The following IRX6 variants were observed in gnomAD, a reference collection of about 807,000 sequenced individuals.
IRX6 encodes iroquois-class homeodomain protein IRX-6.
IRX6 carries 46 observed loss-of-function variants against 47.7 expected under a neutral mutation model. The observed-to-expected ratio is 0.96, with a 90% CI of 0.76 to 1.23. The LOEUF (loss-of-function observed/expected upper bound fraction) is 1.23, where lower values mean the gene tolerates loss of function less well. Ranked by LOEUF, IRX6 falls within the 50% of genes most tolerant of loss-of-function variation. The probability of loss-of-function intolerance (pLI) is 0.00; values close to 1 mark genes in which losing one functional copy is unlikely to be tolerated. For missense variants in IRX6, 722 were observed against 588.0 expected, an observed-to-expected ratio of 1.23 and a Z score of -2.36; for synonymous variants, 265 against 246.2, an observed-to-expected ratio of 1.08 and a Z score of -0.72.
At position 55,324,934 on chromosome 16, in the gene IRX6, C is replaced by G; in HGVS notation, c.-158C>G. 1 of 728,478 alleles carries G rather than the reference C, an allele frequency of 1.4e-6. No individual in the cohort carries two copies. Among genetic ancestry groups the G allele is most frequent in the Non-Finnish European group, 2.3e-6 (1 of 433,866 alleles). 45.1% of individuals were successfully genotyped at this position (728,478 alleles called of 1,614,324 possible). A position where few individuals can be genotyped will look rare whatever the true frequency, so the allele number is the denominator to read the frequency against. ...CAGGGCTCGGCAGCCGGGCTGCCCT[C>G]GGCTCTGCCTCCACTGGGGCCAACC... On this transcript the variant is annotated 5_prime_UTR_variant, in exon 1 of 6. Transcript: ENST00000290552. This position sits in a 1 kb window ranked among gnomAD's most constrained non-coding sequence, Gnocchi z 4.4.
intron 4 of IRX6, among the ~76,000 whole-genome samples, 170 bp from the exon 5 acceptor site, chr16:55,328,530 T>C (rs31084): frequency 0.38 from 58,349 of 151,902 alleles, 11,445 homozygotes; most frequent in East Asian, 0.47. Flanking sequence ...CAAGGACAGG[T>C]GGCCAACAAC....
chr16:55,330,428 G>A lies in IRX6; in HGVS notation c.*123G>A. ...GAGCTCTCACTTTGCCTAAGAGACA[G>A]ACACACAGAAACCCTCCTAGCAGCT... is the stretch of plus-strand genomic sequence containing the variant. On this transcript the variant is annotated 3_prime_UTR_variant, in exon 6 of 6. Transcript: ENST00000290552. The A allele has an allele frequency of 1.0e-6, 1 of 987,950 alleles. No homozygotes were observed. The highest frequency in any genetic ancestry group is 1.3e-5 in the South Asian group (1 of 75,842). The allele number at this position is 987,950 out of a possible 1,614,324, so 61.2% of individuals were successfully genotyped here.
chr16:55,324,893 G>A lies in IRX6; in HGVS notation c.-199G>A. Reference sequence around the variant, plus strand: ...TCTTCCGGACCCCACGGGCCGGAGGGGCGCCTTCCGGAGCGCAGGGCTCGG... The same window carrying A: ...TCTTCCGGACCCCACGGGCCGGAGGAGCGCCTTCCGGAGCGCAGGGCTCGG... On this transcript the variant is annotated 5_prime_UTR_variant, in exon 1 of 6. Transcript: ENST00000290552. This position sits in a 1 kb window ranked among gnomAD's most constrained non-coding sequence, Gnocchi z 4.4. The A allele has an allele frequency of 3.3e-6, 2 of 607,350 alleles. No individual in the cohort carries two copies. The highest frequency in any genetic ancestry group is 5.9e-6 in the Non-Finnish European group (2 of 341,444). The allele number at this position is 607,350 out of a possible 1,614,324, so 37.6% of individuals were successfully genotyped here.
chr16:55,325,535 GAGA>G (rs1960501939), intron 1 of IRX6, among the ~76,000 whole-genome samples: 3 of 55,884 alleles, frequency 5.4e-5, no homozygotes, highest in African/African-American at 7.9e-5. Flanking sequence ...AGGAAGGAGA[GAGA>G]GAGAGAGAGA....
rs1567338424 is a variant in IRX6 at position 55,325,487 on chromosome 16, G to GAAAGAAAT, written c.45+353_45+354insAGAAATAA. Among the ~76,000 whole-genome samples the GAAAGAAAT allele has an allele frequency of 6.0e-4, 10 of 16,622 alleles. 2 individuals are homozygous for GAAAGAAAT. Among genetic ancestry groups the GAAAGAAAT allele is most frequent in the East Asian group, 0.027 (2 of 74 alleles). 10.9% of individuals were successfully genotyped at this position (16,622 alleles called of 152,430 possible). On this transcript the variant is annotated intron_variant, in intron 1 of 5. Coordinates refer to ENST00000290552, the MANE Select transcript of IRX6 (RefSeq NM_024335.3). ...GAAAAGAAAGAAAGAAATAAGGAAGGAAGGAAGGAAGGAAGGAAGGAAGGA... is the reference window on the plus strand; with the variant it reads ...GAAAAGAAAGAAAGAAATAAGGAAGGAAAGAAATAAGGAAGGAAGGAAGGAAGGAAGGA...
chr16:55,326,464 C>T lies in IRX6; in HGVS notation c.174C>T (p.Gly58=). Reference sequence around the variant, plus strand: ...CACCCTACGATAGTCGACTGCTGGGCAGTGCGCGACCGGAGCTGGGCGCCG... The same window carrying T: ...CACCCTACGATAGTCGACTGCTGGGTAGTGCGCGACCGGAGCTGGGCGCCG... The part of the protein sequence containing the change: ...CCAPYDSRLL[G]SARPELGAAL... Residue 58 remains glycine, a synonymous_variant, in exon 2 of 6, where the codon GGC becomes GGT. Coordinates refer to ENST00000290552, the MANE Select transcript of IRX6 (RefSeq NM_024335.3). 1.2e-6 allele frequency: 2 copies of T among 1,613,686 alleles called. No individual in the cohort carries two copies. The highest frequency in any genetic ancestry group is 1.7e-6 in the Non-Finnish European group (2 of 1,179,996).
chr16:55,329,047 AC>A lies in IRX6; in HGVS notation c.1071del (p.Ala358ArgfsTer23). On this transcript the variant is annotated frameshift_variant, in exon 5 of 6. Coordinates refer to ENST00000290552, the MANE Select transcript of IRX6 (RefSeq NM_024335.3). LOFTEE classifies it high-confidence loss of function. Reference sequence around the variant, plus strand: ...ACCGCGCATCTGGTCTCTGGCGCACACCGCGACAGCCAGCGCTGTTGAAGGT... The same window carrying A: ...ACCGCGCATCTGGTCTCTGGCGCACACGCGACAGCCAGCGCTGTTGAAGGT... Reference protein sequence around the residue: ...EKPRIWSLAHTATASAVEGAP... With the variant: ...EKPRIWSLAHXATASAVEGAP... 1 of 1,613,934 alleles carries A rather than the reference AC, an allele frequency of 6.2e-7. No individual in the cohort carries two copies.
chr16:55,330,253 G>A (rs1960618430), intron 5 of IRX6, 45 bp from the exon 6 acceptor site: 2 of 1,601,296 alleles, frequency 1.2e-6, no homozygotes, highest in Non-Finnish European at 1.7e-6. Context: ...CCTAAGAATT[G>A]CCACTAAACA....
At chr16:55,330,276 T>G (rs766100267) in intron 5 of IRX6, 22 bp from the exon 6 acceptor site, 1 of 1,613,166 alleles carries the variant, frequency 6.2e-7, no homozygotes, top group East Asian at 2.2e-5. Flanking sequence ...CTTTGGGTTT[T>G]AATCAACCTT....
At chr16:55,326,750 T>G in intron 2 of IRX6, 157 bp downstream of exon 2, 1 of 655,622 alleles carries the variant, frequency 1.5e-6, no homozygotes. Flanking sequence ...TTGCAGAACT[T>G]CATACTGTTT....
intron 4 of IRX6, among the ~76,000 whole-genome samples, chr16:55,328,323 T>C (rs547315631): frequency 1.3e-5 from 2 of 152,310 alleles, no homozygotes; most frequent in Non-Finnish European, 2.9e-5. Flanking sequence ...AGTAAATATT[T>C]GCTGAATTAA....
rs1960565594 is a variant in IRX6, at chr16:55,327,875, C to G, written c.703C>G (p.Leu235Val). The change falls in exon 4 of 6, where the codon CTA becomes GTA. Residue 235 changes from leucine to valine, a missense_variant. Physicochemically the swap from Leu to Val is conservative, Grantham distance 32 (BLOSUM62 1). Coordinates refer to ENST00000290552, the MANE Select transcript of IRX6 (RefSeq NM_024335.3). ...EGGEEDSLGC[L>V]TADTKEVTAS... ...AGGAGAGGAGGACTCACTAGGCTGC[C>G]TAACTGCTGACACCAAAGGTACTGA... is the stretch of plus-strand genomic sequence containing the variant. 6.2e-7 allele frequency: 1 copy of G among 1,605,472 alleles called. No individual in the cohort carries two copies. The highest frequency in any genetic ancestry group is 1.7e-5 in the Admixed American group (1 of 59,442).
At chr16:55,326,117 C>G (rs1960516699) in intron 1 of IRX6, 4 of 548,554 alleles carry the variant, frequency 7.3e-6, no homozygotes, top group Non-Finnish European at 1.3e-5. Context: ...GTAGGAGCAT[C>G]TATAAGGGCA....
rs567107300 is a variant in IRX6, at chr16:55,324,360, C to G, written c.-732C>G. On this transcript the variant is annotated 5_prime_UTR_variant, in exon 1 of 6. Transcript: ENST00000290552. This position sits in a 1 kb window ranked among gnomAD's most constrained non-coding sequence, Gnocchi z 4.4. Reference sequence around the variant, plus strand: ...TCTCCTGTCTCTTCTTTTGTATTCTCTCCTCCCTCGCCGCCCCGGTTGCCT... The same window carrying G: ...TCTCCTGTCTCTTCTTTTGTATTCTGTCCTCCCTCGCCGCCCCGGTTGCCT... The G allele has an allele frequency of 2.0e-5, 3 of 151,898 alleles. No homozygotes were observed. The highest frequency in any genetic ancestry group is 2.9e-5 in the Non-Finnish European group (2 of 68,028). The allele number at this position is 151,898 out of a possible 1,614,324, so 9.4% of individuals were successfully genotyped here. A position where few individuals can be genotyped will look rare whatever the true frequency, so the allele number is the denominator to read the frequency against.
chr16:55,326,669 C>A, intron 2 of IRX6, 76 bp downstream of exon 2: 2 of 1,406,196 alleles, frequency 1.4e-6, no homozygotes, highest in East Asian at 5.0e-5. Context: ...AGGAAAGACC[C>A]ACACCTCCCG....
intron 3 of IRX6, 49 bp from the exon 4 acceptor site, chr16:55,327,537 G>A (rs199953630): frequency 1.1e-5 from 18 of 1,576,718 alleles, no homozygotes; most frequent in Admixed American, 3.5e-5. Flanking sequence ...TCCTCTGCCT[G>A]CAGTTCCTTG....
rs1390880349 is a variant in IRX6 at position 55,330,570 on chromosome 16, C to T, written c.*265C>T. 13 of 553,230 alleles carry T rather than the reference C, an allele frequency of 2.3e-5. No individual in the cohort carries two copies. Among genetic ancestry groups the T allele is most frequent in the Non-Finnish European group, 3.9e-5 (12 of 309,430 alleles). 34.3% of individuals were successfully genotyped at this position (553,230 alleles called of 1,614,324 possible). ...GAGGCTGGGAGGCTGCCCCACCCAC[C>T]GACTCTACCAAGTCTCTCTTCCTCC... On this transcript the variant is annotated 3_prime_UTR_variant, in exon 6 of 6. Coordinates refer to ENST00000290552, the MANE Select transcript of IRX6 (RefSeq NM_024335.3).
rs199711525 is a variant in IRX6, at chr16:55,329,036, C to G, written c.1058C>G (p.Ser353Cys). The change falls in exon 5 of 6, where the codon TCT becomes TGT. Residue 353 changes from serine (S) to cysteine (C), a missense_variant. By Grantham distance (112) the Ser-to-Cys change is moderately radical. Coordinates refer to ENST00000290552, the MANE Select transcript of IRX6 (RefSeq NM_024335.3). ...TGCTTGGAGAAACCGCGCATCTGGT[C>G]TCTGGCGCACACCGCGACAGCCAGC... is the stretch of plus-strand genomic sequence containing the variant. ...YPCLEKPRIW[S>C]LAHTATASAV... 6.2e-7 allele frequency: 1 copy of G among 1,613,858 alleles called. No individual in the cohort carries two copies. The highest frequency in any genetic ancestry group is 2.2e-5 in the East Asian group (1 of 44,882).
chr16:55,329,164 A>C lies in IRX6; in HGVS notation c.1186A>C (p.Arg396=). 6.2e-7 allele frequency: 1 copy of C among 1,614,146 alleles called. No individual in the cohort carries two copies. Among genetic ancestry groups the C allele is most frequent in the East Asian group, 2.2e-5 (1 of 44,862 alleles). Residue 396 remains arginine, a synonymous_variant, in exon 5 of 6, where the codon AGA becomes CGA. Transcript: ENST00000290552. ...PASARRLSVP[R]DSACDESSCI... is the part of the protein sequence containing the mutation. Reference sequence around the variant, plus strand: ...CTCTGCCCGGCGACTCTCAGTCCCCAGAGACTCCGCGTGCGACGAGTCTTC... The same window carrying C: ...CTCTGCCCGGCGACTCTCAGTCCCCCGAGACTCCGCGTGCGACGAGTCTTC...
Sources: gnomAD v4.1 joint callset for allele counts (sites outside exome capture counted in the v4.1 genomes callset) on GRCh38, gnomAD v4.1.1 for gene constraint, Gnocchi (gnomAD v3.1) non-coding constraint, MANE v1.5 for transcripts, NCBI Gene and HGNC (gene_info 2026-07-23, HGNC 2026-07-21) for gene names.